The following KLHL1 variants were observed in gnomAD, a reference collection of about 807,000 sequenced individuals.
KLHL1 encodes the protein kelch like family member 1.
KLHL1 carries 47 observed loss-of-function variants against 77.7 expected under a neutral mutation model. That is an observed-to-expected ratio of 0.60 (90% CI 0.48 to 0.77). The LOEUF (loss-of-function observed/expected upper bound fraction) is 0.77, where lower values mean the gene tolerates loss of function less well. Ranked by LOEUF, KLHL1 falls within the 30% of genes least tolerant of loss-of-function variation. The probability of loss-of-function intolerance (pLI) is 0.00; values close to 1 mark genes in which losing one functional copy is unlikely to be tolerated. For missense variants in KLHL1, 925 were observed against 910.8 expected, an observed-to-expected ratio of 1.02 and a Z score of -0.20; for synonymous variants, 360 against 325.2, an observed-to-expected ratio of 1.11 and a Z score of -1.15.
chr13:69,887,025 G>T (rs770846814), intron 4 of KLHL1, among the ~76,000 whole-genome samples: 1 of 152,142 alleles, frequency 6.6e-6, no homozygotes, highest in Non-Finnish European at 1.5e-5. Flanking sequence ...AAAAAATGGG[G>T]ATCCTGGAAT....
At chr13:69,772,416 A>G (rs1875617096) in intron 7 of KLHL1, among the ~76,000 whole-genome samples, 1 of 152,178 alleles carries the variant, frequency 6.6e-6, no homozygotes, top group Non-Finnish European at 1.5e-5. Context: ...TAAAATAAAC[A>G]GAAGTACTTA....
chr13:70,038,138 T>C (rs1566521963), intron 1 of KLHL1, among the ~76,000 whole-genome samples: 1 of 152,214 alleles, frequency 6.6e-6, no homozygotes, highest in Non-Finnish European at 1.5e-5. Context: ...AAGAATGCTA[T>C]GTATAAATTT....
At chr13:69,787,885 A>C (rs1304471241) in intron 7 of KLHL1, among the ~76,000 whole-genome samples, 1 of 152,262 alleles carries the variant, frequency 6.6e-6, no homozygotes, top group African/African-American at 2.4e-5. Flanking sequence ...ACATTTATGC[A>C]GCCAAAAAAC....
At chr13:69,744,458 A>G (rs1171882403) in intron 7 of KLHL1, among the ~76,000 whole-genome samples, 1 of 151,490 alleles carries the variant, frequency 6.6e-6, no homozygotes, top group African/African-American at 2.4e-5. Flanking sequence ...GAGAGGTTAC[A>G]TGACTTTGTA....
chr13:69,896,670 AT>A (rs555215455), intron 4 of KLHL1, among the ~76,000 whole-genome samples: 16,142 of 143,358 alleles, frequency 0.11, 1,300 homozygotes, highest in African/African-American at 0.24. Flanking sequence ...AAGTATTAAA[AT>A]TTTTTTTTTT....
At chr13:69,715,143 G>C (rs1178653221) in intron 9 of KLHL1, among the ~76,000 whole-genome samples, 1 of 152,140 alleles carries the variant, frequency 6.6e-6, no homozygotes, top group East Asian at 1.9e-4. Context: ...AACGATTGCT[G>C]CATCTACTTA....
intron 7 of KLHL1, among the ~76,000 whole-genome samples, chr13:69,778,792 CTTTTT>C (rs1172258314): frequency 1.8e-3 from 177 of 99,180 alleles, no homozygotes; most frequent in South Asian, 0.01. Flanking sequence ...TATTCCCTCT[CTTTTT>C]TTTTTTTTTT....
At chr13:69,998,634 A>G (rs1885214552) in intron 1 of KLHL1, among the ~76,000 whole-genome samples, 1 of 152,048 alleles carries the variant, frequency 6.6e-6, no homozygotes, top group Non-Finnish European at 1.5e-5. Context: ...ATCAATAACT[A>G]GGACCTTAAT....
At chr13:69,807,061 T>C (rs7992119) in intron 6 of KLHL1, among the ~76,000 whole-genome samples, 55,093 of 151,922 alleles carry the variant, frequency 0.36, 10,399 homozygotes, top group African/African-American at 0.46. Flanking sequence ...CTGGGCCGAG[T>C]TTTGCCTTTG....
At chr13:69,845,349 C>T (rs1288438876) in intron 5 of KLHL1, among the ~76,000 whole-genome samples, 2 of 151,586 alleles carry the variant, frequency 1.3e-5, no homozygotes, top group Non-Finnish European at 3.0e-5. Context: ...AAATAAATTG[C>T]AAATTCAATG....
intron 2 of KLHL1, among the ~76,000 whole-genome samples, chr13:69,963,785 C>T (rs1277676366): frequency 6.6e-6 from 1 of 152,046 alleles, no homozygotes; most frequent in Non-Finnish European, 1.5e-5. Flanking sequence ...TTGATGCTCT[C>T]CATTCATTTT....
chr13:69,723,376 A>G (rs541590687), intron 8 of KLHL1, among the ~76,000 whole-genome samples: 1 of 152,222 alleles, frequency 6.6e-6, no homozygotes, highest in Non-Finnish European at 1.5e-5. Context: ...TAATATACTA[A>G]TTACCTAATT....
intron 1 of KLHL1, among the ~76,000 whole-genome samples, chr13:69,985,796 T>C (rs1315723123): frequency 2.7e-5 from 4 of 147,132 alleles, no homozygotes; most frequent in Non-Finnish European, 4.5e-5. Flanking sequence ...ATATATATTT[T>C]ATATATATTT....
chr13:69,787,133 T>A (rs1017305768), intron 7 of KLHL1, among the ~76,000 whole-genome samples: 9 of 152,284 alleles, frequency 5.9e-5, no homozygotes, highest in Admixed American at 5.2e-4. Context: ...TACCAGTGAC[T>A]TTCTTCACAG....
At chr13:69,852,269 T>C (rs1401094436) in intron 5 of KLHL1, among the ~76,000 whole-genome samples, 1 of 151,876 alleles carries the variant, frequency 6.6e-6, no homozygotes, top group Admixed American at 6.6e-5. Context: ...CTCACGTCTG[T>C]AAAAAGCATC....
intron 4 of KLHL1, among the ~76,000 whole-genome samples, chr13:69,896,335 T>A (rs1469589751): frequency 6.6e-6 from 1 of 152,228 alleles, no homozygotes; most frequent in African/African-American, 2.4e-5. Flanking sequence ...TCCTGGATAT[T>A]CACTGTATCT....
chr13:69,912,514 T>C (rs1403366951), intron 4 of KLHL1, among the ~76,000 whole-genome samples: 4 of 152,208 alleles, frequency 2.6e-5, no homozygotes. Context: ...CAGGAAGCAA[T>C]CATTTTACAG....
chr13:70,055,789 T>C (rs918627690), intron 1 of KLHL1, among the ~76,000 whole-genome samples: 10 of 151,862 alleles, frequency 6.6e-5, no homozygotes, highest in African/African-American at 2.2e-4. Flanking sequence ...AGTCACATTG[T>C]AACCTCAAAT....
At position 70,107,345 on chromosome 13, in the gene KLHL1, G is replaced by A. The variant is rs780858672; in HGVS notation, c.355C>T (p.Leu119Phe). The change falls in exon 1 of 11, where the codon CTC (leucine) becomes TTC (phenylalanine). Residue 119 changes from leucine to phenylalanine, a missense_variant. By Grantham distance (22) the Leu-to-Phe change is conservative. Coordinates refer to ENST00000377844, the MANE Select transcript of KLHL1 (RefSeq NM_020866.3). ...GQGTQQPART[L>F]FYVESLEEEV... ...TCCTCTAGTGACTCCACGTAGAAGAGAGTCCTGGCTGGCTGCTGAGTGCCC... is the reference window on the plus strand; with the variant it reads ...TCCTCTAGTGACTCCACGTAGAAGAAAGTCCTGGCTGGCTGCTGAGTGCCC... 4.3e-6 allele frequency: 7 copies of A among 1,614,070 alleles called. No individual in the cohort carries two copies. The highest frequency in any genetic ancestry group is 4.5e-5 in the East Asian group (2 of 44,872).
Sources: gnomAD v4.1 joint callset for allele counts (sites outside exome capture counted in the v4.1 genomes callset) on GRCh38, gnomAD v4.1.1 for gene constraint, MANE v1.5 for transcripts, NCBI Gene and HGNC (gene_info 2026-07-23, HGNC 2026-07-21) for gene names.